Variants in PIEZO2 observed in about 807,000 individuals in gnomAD.
The protein encoded by PIEZO2 is piezo type mechanosensitive ion channel component 2.
PIEZO2 carries 172 observed loss-of-function variants against 337.3 expected under a neutral mutation model. The ratio of observed to expected loss-of-function variants is 0.51; its 90% confidence interval spans 0.45 to 0.58. PIEZO2 has a LOEUF of 0.58. Among genes scored for constraint, PIEZO2 ranks in the 20% least tolerant of loss-of-function variants. The pLI, the probability that PIEZO2 is intolerant of heterozygous loss-of-function variation, is 0.00. For synonymous variants in PIEZO2, 1,251 were observed against 1,228.5 expected (o/e 1.02, Z -0.38); for missense variants, 3,028 against 3,391.3 (o/e 0.89, Z 2.66).
Position 10,945,052 on chromosome 18 carries a change from G to A in PIEZO2, c.287-33824C>T, listed in dbSNP as rs979776219. Among the ~76,000 whole-genome samples the A allele has an allele frequency of 1.3e-5, 2 of 152,102 alleles. No homozygotes were observed. The highest frequency in any genetic ancestry group is 2.4e-5 in the African/African-American group (1 of 41,420). On this transcript the variant is annotated intron_variant, in intron 3 of 55. Transcript: ENST00000674853. This position sits in a 1 kb window ranked among gnomAD's most constrained non-coding sequence, Gnocchi z 4.0. Reference sequence around the variant, plus strand: ...GATGTCAAGAATGCTACAGTTCACAGGAAAGAGTATTAGAGAATAGATTGC... The same window carrying A: ...GATGTCAAGAATGCTACAGTTCACAAGAAAGAGTATTAGAGAATAGATTGC...
At chr18:10,721,990 C>T (rs888852645) in intron 36 of PIEZO2, among the ~76,000 whole-genome samples, 1 of 151,752 alleles carries the variant, frequency 6.6e-6, no homozygotes, top group Non-Finnish European at 1.5e-5. Context: ...CCGGTCTCTA[C>T]GAAAATACAA....
chr18:10,883,425 A>T (rs2042480193), intron 4 of PIEZO2, among the ~76,000 whole-genome samples: 1 of 152,070 alleles, frequency 6.6e-6, no homozygotes, highest in Non-Finnish European at 1.5e-5. Flanking sequence ...GCTCACCAGC[A>T]CCTCTTGTTG....
Position 10,962,244 on chromosome 18 carries a change from C to T in PIEZO2, c.286+17291G>A, listed in dbSNP as rs1289850338. On this transcript the variant is annotated intron_variant, in intron 3 of 55. Transcript: ENST00000674853. This position sits in a 1 kb window ranked among gnomAD's most constrained non-coding sequence, Gnocchi z 4.1. ...CGATGGTGATCCCAGGCTACACTGG[C>T]AACAGGTTAAATACGCAATCGTAGC... 6.6e-6 allele frequency among the ~76,000 whole-genome samples: 1 copy of T among 152,220 alleles called. No individual in the cohort carries two copies. Among genetic ancestry groups the T allele is most frequent in the East Asian group, 1.9e-4 (1 of 5,192 alleles).
chr18:11,123,916 GAGT>G (rs1271385318), intron 1 of PIEZO2, among the ~76,000 whole-genome samples: 1 of 110,726 alleles, frequency 9.0e-6, no homozygotes, highest in Non-Finnish European at 2.2e-5. Flanking sequence ...AGATTTTAAA[GAGT>G]AGATTTTAAG....
intron 24 of PIEZO2, among the ~76,000 whole-genome samples, chr18:10,760,479 A>G (rs1358368674): frequency 3.3e-5 from 5 of 152,072 alleles, no homozygotes; most frequent in Non-Finnish European, 7.4e-5. Context: ...TAATTTTTGT[A>G]TTTTTAGAAG....
At position 10,862,508 on chromosome 18, in the gene PIEZO2, G is replaced by A. The variant is rs772002994; in HGVS notation, c.493-5297C>T. ...ACAGCAGTACTGGTTCCATTAAGCC[G>A]TGGCATCCACCATGATTTCCACTCA... On this transcript the variant is annotated intron_variant, in intron 5 of 55. Transcript: ENST00000674853. This position sits in a 1 kb window ranked among gnomAD's most constrained non-coding sequence, Gnocchi z 4.4. Among the ~76,000 whole-genome samples, 10 of 152,136 alleles carry A rather than the reference G, an allele frequency of 6.6e-5. No homozygotes were observed. The highest frequency in any genetic ancestry group is 1.9e-4 in the East Asian group (1 of 5,192).
chr18:11,109,356 G>A lies in PIEZO2; in HGVS notation c.64+39169C>T, dbSNP rs75888425. On this transcript the variant is annotated intron_variant, in intron 1 of 55. Transcript: ENST00000674853. The surrounding 1 kb of genome is among the most constrained non-coding windows in gnomAD (Gnocchi z 5.1). The stretch of plus-strand genomic sequence containing the variant: ...TTACTGGGCATGTATTTTAATGGCC[G>A]TCTCTGTTAGCTATTTGATGGGGTG... Among the ~76,000 whole-genome samples the A allele has an allele frequency of 0.037, 5,622 of 152,216 alleles. 136 individuals are homozygous for A. Among genetic ancestry groups the A allele is most frequent in the East Asian group, 0.075 (388 of 5,176 alleles).
At chr18:11,044,604 T>A (rs1281566168) in intron 2 of PIEZO2, among the ~76,000 whole-genome samples, 2 of 152,226 alleles carry the variant, frequency 1.3e-5, no homozygotes, top group Non-Finnish European at 2.9e-5. Context: ...AAAAGTATGA[T>A]GGTCGTACTT....
chr18:10,926,645 G>A (rs2031756604), intron 3 of PIEZO2, among the ~76,000 whole-genome samples: 1 of 151,996 alleles, frequency 6.6e-6, no homozygotes, highest in East Asian at 1.9e-4. Flanking sequence ...AATTGAAAAC[G>A]AAAAAAACTG....
rs570908402 is a variant in PIEZO2, at chr18:11,004,081, T to G, written c.161-24421A>C. Among the ~76,000 whole-genome samples the G allele has an allele frequency of 1.5e-3, 223 of 152,328 alleles. 1 individual carries two copies. The highest frequency in any genetic ancestry group is 8.7e-3 in the Admixed American group (133 of 15,298). The stretch of plus-strand genomic sequence containing the variant: ...GGCCTGCCTGCAGAAACTCCCTGAC[T>G]GCAGACATTTTCTTTCTGCAGGAAT... On this transcript the variant is annotated intron_variant, in intron 2 of 55. Coordinates refer to ENST00000674853, the MANE Select transcript of PIEZO2 (RefSeq NM_001378183.1).
chr18:10,882,836 T>TTC (rs1318603934), intron 4 of PIEZO2, among the ~76,000 whole-genome samples: 2 of 108,882 alleles, frequency 1.8e-5, no homozygotes, highest in Admixed American at 1.0e-4. Context: ...CACATTTTCT[T>TTC]TTTTTCTTTT....
rs944641124 is a variant in PIEZO2 at position 10,671,417 on chromosome 18, G to A, written c.*110C>T. 1.6e-6 allele frequency: 2 copies of A among 1,229,914 alleles called. No individual in the cohort carries two copies. Among genetic ancestry groups the A allele is most frequent in the African/African-American group, 1.5e-5 (1 of 65,564 alleles). The allele number at this position is 1,229,914 out of a possible 1,614,324, so 76.2% of individuals were successfully genotyped here. A position where few individuals can be genotyped will look rare whatever the true frequency, so the allele number is the denominator to read the frequency against. ...AGCTCCTTTTGTCTACCTATCAGAAGAGAAACAAACCATTTCCGTCGAACT... is the reference window on the plus strand; with the variant it reads ...AGCTCCTTTTGTCTACCTATCAGAAAAGAAACAAACCATTTCCGTCGAACT... On this transcript the variant is annotated 3_prime_UTR_variant, in exon 56 of 56. Coordinates refer to ENST00000674853, the MANE Select transcript of PIEZO2 (RefSeq NM_001378183.1).
rs2040891331 is a variant in PIEZO2, at chr18:11,149,259, G to T, written c.-671C>A. On this transcript the variant is annotated 5_prime_UTR_variant, in exon 1 of 56. Transcript: ENST00000674853. The surrounding 1 kb of genome is among the most constrained non-coding windows in gnomAD (Gnocchi z 8.7). ...CCCCAGCTTCGGGCCGGAGAGACCG[G>T]GGTGGGAGCTGCCAGGCGCGCAGAA... 6.6e-6 allele frequency among the ~76,000 whole-genome samples: 1 copy of T among 151,900 alleles called. No individual in the cohort carries two copies.
intron 1 of PIEZO2, among the ~76,000 whole-genome samples, chr18:11,139,700 A>C (rs4362449): frequency 0.36 from 54,650 of 152,014 alleles, 10,072 homozygotes; most frequent in East Asian, 0.46. Context: ...GGTTGGGAGA[A>C]ATAAAATAAA....
chr18:11,113,591 G>A (rs1281241596), intron 1 of PIEZO2, among the ~76,000 whole-genome samples: 1 of 152,136 alleles, frequency 6.6e-6, no homozygotes, highest in East Asian at 1.9e-4. Context: ...ACAGACCTGG[G>A]AGGCCCTCGC....
rs113360706 is a variant in PIEZO2, at chr18:10,759,217, GTGTGTGTGTGTT to G, written c.3757+253_3757+264del. Among the ~76,000 whole-genome samples, 33,747 of 148,762 alleles carry G rather than the reference GTGTGTGTGTGTT, an allele frequency of 0.23. 3,702 individuals carry two copies. The highest frequency in any genetic ancestry group is 0.26 in the Non-Finnish European group (17,362 of 66,454). On this transcript the variant is annotated intron_variant, in intron 26 of 55. Coordinates refer to ENST00000674853, the MANE Select transcript of PIEZO2 (RefSeq NM_001378183.1). The surrounding 1 kb of genome is among the most constrained non-coding windows in gnomAD (Gnocchi z 5.5). ...TGGCTGTGTAAATGTGTGTGTGTGT[GTGTGTGTGTGTT>G]TGTGTGTGTGTGTTGGGGGAAGTGA...
chr18:10,878,844 A>G lies in PIEZO2; in HGVS notation c.330-7429T>C, dbSNP rs930545257. On this transcript the variant is annotated intron_variant, in intron 4 of 55. Transcript: ENST00000674853. The surrounding 1 kb of genome is among the most constrained non-coding windows in gnomAD (Gnocchi z 4.3). ...AGACCTGAAGCAAAGGACAAACATG[A>G]TCCCCAAGGAAATGAAGGCCACAGG... 1.3e-5 allele frequency among the ~76,000 whole-genome samples: 2 copies of G among 152,036 alleles called. No individual in the cohort carries two copies. The highest frequency in any genetic ancestry group is 2.9e-5 in the Non-Finnish European group (2 of 68,002).
chr18:10,957,406 C>CAAAAAAAA (rs36005894), intron 3 of PIEZO2, among the ~76,000 whole-genome samples: 1 of 144,964 alleles, frequency 6.9e-6, no homozygotes. Flanking sequence ...AACAAACCAA[C>CAAAAAAAA]AAAAAAAAAA....
chr18:11,054,852 C>T (rs2037658454), intron 2 of PIEZO2, among the ~76,000 whole-genome samples: 1 of 152,122 alleles, frequency 6.6e-6, no homozygotes, highest in Non-Finnish European at 1.5e-5. Context: ...GGGGGACTTG[C>T]TAGACTGATG....
Sources: gnomAD v4.1 joint callset for allele counts (sites outside exome capture counted in the v4.1 genomes callset) on GRCh38, gnomAD v4.1.1 for gene constraint, Gnocchi (gnomAD v3.1) non-coding constraint, MANE v1.5 for transcripts, NCBI Gene and HGNC (gene_info 2026-07-23, HGNC 2026-07-21) for gene names.